Variants in FAM220A observed in about 807,000 individuals in gnomAD.
The protein encoded by FAM220A is family with sequence similarity 220 member A.
For missense variants in FAM220A, 392 were observed against 321.6 expected (o/e 1.22, Z -1.68); for synonymous variants, 141 against 130.7 (o/e 1.08, Z -0.54).
At chr7:6,347,198 C>T (rs1490879659) in intron 1 of FAM220A, among the ~76,000 whole-genome samples, 2 of 152,070 alleles carry the variant, frequency 1.3e-5, no homozygotes, top group African/African-American at 2.4e-5. Flanking sequence ...AAAAAGGCAA[C>T]TGGAATTCAA....
intron 1 of FAM220A, 104 bp from the exon 2 acceptor site, chr7:6,331,339 C>T (rs1781630688): frequency 6.2e-6 from 4 of 641,398 alleles, no homozygotes; most frequent in Non-Finnish European, 1.1e-5. Context: ...ATCTTTATGA[C>T]AGTCTCCAGT....
intron 1 of FAM220A, among the ~76,000 whole-genome samples, chr7:6,332,668 C>G (rs1002884945): frequency 1.1e-4 from 16 of 151,896 alleles, no homozygotes; most frequent in African/African-American, 3.6e-4. Context: ...ACTCTGCCCT[C>G]TGACCTGGGC....
intron 1 of FAM220A, among the ~76,000 whole-genome samples, chr7:6,334,068 T>A (rs547693116): frequency 6.6e-6 from 1 of 151,002 alleles, no homozygotes; most frequent in Non-Finnish European, 1.5e-5. Flanking sequence ...GGATGGAATC[T>A]ATCTCCTGAC....
At chr7:6,331,467 TAAG>T (rs1433812559) in intron 1 of FAM220A, among the ~76,000 whole-genome samples, 2 of 149,030 alleles carry the variant, frequency 1.3e-5, no homozygotes, top group Non-Finnish European at 3.0e-5. Flanking sequence ...CCAGCCGTAT[TAAG>T]GTTTTTGTTT....
At chr7:6,348,240 G>C (rs907004914) in intron 1 of FAM220A, among the ~76,000 whole-genome samples, 8 of 150,722 alleles carry the variant, frequency 5.3e-5, no homozygotes, top group African/African-American at 1.7e-4. Flanking sequence ...TAAGGGGGGG[G>C]GTTGCAAAGT....
intron 1 of FAM220A, among the ~76,000 whole-genome samples, chr7:6,334,057 A>T (rs771417649): frequency 4.0e-5 from 6 of 151,086 alleles, no homozygotes; most frequent in Non-Finnish European, 8.9e-5. Flanking sequence ...CATGTTAGCC[A>T]GGATGGAATC....
At chr7:6,345,464 T>A (rs1781934992) in intron 1 of FAM220A, among the ~76,000 whole-genome samples, 1 of 152,034 alleles carries the variant, frequency 6.6e-6, no homozygotes, top group Non-Finnish European at 1.5e-5. Flanking sequence ...TTGGTGGAGA[T>A]GGCAGATACT....
chr7:6,347,923 T>TTAC (rs1781986098), intron 1 of FAM220A, among the ~76,000 whole-genome samples: 1 of 138,694 alleles, frequency 7.2e-6, no homozygotes, highest in Non-Finnish European at 1.6e-5. Flanking sequence ...ATTATTATTA[T>TTAC]TATTGAGATG....
At chr7:6,346,461 G>C (rs1315827703) in intron 1 of FAM220A, among the ~76,000 whole-genome samples, 1 of 152,112 alleles carries the variant, frequency 6.6e-6, no homozygotes, top group Non-Finnish European at 1.5e-5. Flanking sequence ...CTGCCTCCCA[G>C]GCTCAAGCGA....
chr7:6,335,157 G>C (rs576303609), intron 1 of FAM220A, among the ~76,000 whole-genome samples: 15 of 151,912 alleles, frequency 9.9e-5, no homozygotes, highest in Non-Finnish European at 2.2e-4. Flanking sequence ...CTGCCTCCTA[G>C]GTTCAAGCGA....
chr7:6,339,546 C>T (rs1447925051), intron 1 of FAM220A, among the ~76,000 whole-genome samples: 2 of 149,274 alleles, frequency 1.3e-5, no homozygotes, highest in Admixed American at 6.7e-5. Context: ...TGCAGTGGAG[C>T]AATCTCAGCT....
Position 6,331,071 on chromosome 7 carries a change from G to C in FAM220A, c.84C>G (p.Cys28Trp), listed in dbSNP as rs1432020549. 1 of 1,613,556 alleles carries C rather than the reference G, an allele frequency of 6.2e-7. No individual in the cohort carries two copies. Among genetic ancestry groups the C allele is most frequent in the African/African-American group, 1.3e-5 (1 of 74,948 alleles). Residue 28 changes from cysteine to tryptophan, a missense_variant, in exon 2 of 2, where the codon TGC (cysteine) becomes TGG (tryptophan). By Grantham distance (215) the Cys-to-Trp change is radical (BLOSUM62 -2). Transcript: ENST00000313324. The stretch of plus-strand genomic sequence containing the variant: ...CCTCCGGCATTCTTTTCTTAAGGCT[G>C]CATGATAGTTTGTCCGAGTCACCTC... ...AGGGDSDKLS[C>W]SLKKRMPEGP... is the part of the protein sequence containing the mutation.
At chr7:6,332,420 G>A (rs2115127973) in intron 1 of FAM220A, among the ~76,000 whole-genome samples, 1 of 152,300 alleles carries the variant, frequency 6.6e-6, no homozygotes, top group East Asian at 1.9e-4. Context: ...ACTTTTGAGT[G>A]TTGTCTGAAT....
At chr7:6,339,510 G>A (rs1400639502) in intron 1 of FAM220A, among the ~76,000 whole-genome samples, 1 of 151,352 alleles carries the variant, frequency 6.6e-6, no homozygotes, top group Non-Finnish European at 1.5e-5. Flanking sequence ...TTGAGACGGA[G>A]TCTCGCTCTG....
At chr7:6,347,863 G>C (rs182132421) in intron 1 of FAM220A, among the ~76,000 whole-genome samples, 28 of 148,340 alleles carry the variant, frequency 1.9e-4, no homozygotes, top group African/African-American at 6.7e-4. Context: ...AGACCAGCCT[G>C]GGCAACATAA....
Position 6,346,036 on chromosome 7 carries a change from T to C in FAM220A, c.-82+2537A>G, listed in dbSNP as rs542009734. Among the ~76,000 whole-genome samples, 196 of 152,284 alleles carry C rather than the reference T, an allele frequency of 1.3e-3. 1 individual carries two copies. Among genetic ancestry groups the C allele is most frequent in the African/African-American group, 4.5e-3 (186 of 41,568 alleles). On this transcript the variant is annotated intron_variant, in intron 1 of 1. Transcript: ENST00000313324. ...CGCCTGCTTCAGCCTCCCAATATAC[T>C]GGGATTACAGGCATGAGACACCATG...
At chr7:6,347,702 G>A (rs533947422) in intron 1 of FAM220A, among the ~76,000 whole-genome samples, 2 of 151,656 alleles carry the variant, frequency 1.3e-5, no homozygotes, top group Non-Finnish European at 2.9e-5. Flanking sequence ...GCCAAAATAC[G>A]GTACATTTAT....
rs928032182 is a variant in FAM220A, at chr7:6,348,739, C to T, written c.-248G>A. 1.2e-4 allele frequency: 50 copies of T among 411,130 alleles called. No individual in the cohort carries two copies. Among genetic ancestry groups the T allele is most frequent in the African/African-American group, 8.6e-4 (42 of 48,702 alleles). 25.5% of individuals were successfully genotyped at this position (411,130 alleles called of 1,614,324 possible). On this transcript the variant is annotated 5_prime_UTR_variant, in exon 1 of 2. Coordinates refer to ENST00000313324, the MANE Select transcript of FAM220A (RefSeq NM_001037163.2). ...CGAGCGCGAGAGCCGGACAGCCAGG[C>T]CCGACAGAGCCGCCGCCATATAGAG...
At chr7:6,336,923 G>A (rs1781759886) in intron 1 of FAM220A, among the ~76,000 whole-genome samples, 1 of 152,098 alleles carries the variant, frequency 6.6e-6, no homozygotes, top group Non-Finnish European at 1.5e-5. Flanking sequence ...CAAAGTGCTG[G>A]AATTACAGGC....
Sources: allele counts gnomAD v4.1 joint callset (sites outside exome capture counted in the v4.1 genomes callset), GRCh38; gene constraint gnomAD v4.1.1; transcripts MANE v1.5; gene names NCBI Gene and HGNC (gene_info 2026-07-23, HGNC 2026-07-21).